SLC2A14: variants seen among roughly 807,000 people sequenced by gnomAD.
The protein encoded by SLC2A14 is solute carrier family 2, facilitated glucose transporter member 14.
A neutral mutation model predicts 43.0 loss-of-function variants in SLC2A14; 13 were observed. The ratio of observed to expected loss-of-function variants is 0.30; its 90% CI spans 0.20 to 0.48. The LOEUF is 0.48. SLC2A14 is among the 20% of genes least tolerant of loss of function. The pLI is 0.99. For synonymous variants in SLC2A14, 190 were observed against 233.8 expected, an observed-to-expected ratio of 0.81 and a Z score of 1.71; for missense variants, 428 against 620.4, an observed-to-expected ratio of 0.69 and a Z score of 3.29.
At chr12:7,878,976 C>CAAAAAAAAAAAAAAAAAAAAAA (rs58838986) in intron 1 of SLC2A14, among the ~76,000 whole-genome samples, 1 of 69,322 alleles carries the variant, frequency 1.4e-5, no homozygotes. Context: ...GAGTCCGTCT[C>CAAAAAAAAAAAAAAAAAAAAAA]AAAAAAAAAA....
chr12:7,884,681 C>T (rs1215691189), intron 1 of SLC2A14, among the ~76,000 whole-genome samples: 1 of 152,154 alleles, frequency 6.6e-6, no homozygotes, highest in Non-Finnish European at 1.5e-5. Context: ...CCCACATGTT[C>T]TTCCTCCTTC....
At chr12:7,873,160 C>A, upstream of SLC2A14, 9 of 985,706 alleles carry the variant, frequency 9.1e-6, no homozygotes, top group Non-Finnish European at 1.1e-5. Flanking sequence ...TGCGACCGGG[C>A]GGGGGAACTC....
intron 7 of SLC2A14, among the ~76,000 whole-genome samples, chr12:7,826,270 T>C (rs1017489732): frequency 6.6e-6 from 1 of 151,504 alleles, no homozygotes; most frequent in Non-Finnish European, 1.5e-5. Context: ...TGCCCAGGCT[T>C]GACTCCTTGG....
intron 2 of SLC2A14, among the ~76,000 whole-genome samples, chr12:7,837,107 C>T (rs1865523878): frequency 6.7e-6 from 1 of 150,262 alleles, no homozygotes; most frequent in Non-Finnish European, 1.5e-5. Flanking sequence ...GCAGAGGTTA[C>T]AGTGAGCCAA....
At chr12:7,821,138 C>T (rs1052555277) in intron 8 of SLC2A14, 83 bp downstream of exon 8, 17 of 1,026,336 alleles carry the variant, frequency 1.7e-5, no homozygotes, top group African/African-American at 4.8e-5. Context: ...AACTAAATAA[C>T]GGTGGAGCCA....
At chr12:7,842,951 C>A (rs181661770) in intron 2 of SLC2A14, among the ~76,000 whole-genome samples, 2,792 of 152,202 alleles carry the variant, frequency 0.018, 37 homozygotes, top group Middle Eastern at 0.034. Context: ...TGGTCTCGAA[C>A]TCCCGACCTC....
chr12:7,863,098 T>C (rs1944681515), intron 2 of SLC2A14, among the ~76,000 whole-genome samples: 1 of 152,136 alleles, frequency 6.6e-6, no homozygotes, highest in Admixed American at 6.6e-5. Context: ...CTGCTCACTT[T>C]TTATGTCCAC....
upstream of SLC2A14, among the ~76,000 whole-genome samples, chr12:7,874,566 G>A (rs1056264580): frequency 6.6e-6 from 1 of 151,224 alleles, no homozygotes; most frequent in African/African-American, 2.4e-5. Context: ...CAGCTACTCC[G>A]GAGACTGAGG....
At chr12:7,887,257 GTT>G (rs1945702900) in intron 1 of SLC2A14, among the ~76,000 whole-genome samples, 1 of 151,744 alleles carries the variant, frequency 6.6e-6, no homozygotes, top group Non-Finnish European at 1.5e-5. Context: ...TAGAAGAGTA[GTT>G]CTTAAACAAT....
At chr12:7,879,511 A>T (rs1371864298) in intron 1 of SLC2A14, among the ~76,000 whole-genome samples, 1 of 151,800 alleles carries the variant, frequency 6.6e-6, no homozygotes, top group East Asian at 1.9e-4. Context: ...GGGAAACTAC[A>T]TCTCTACTAA....
At chr12:7,824,534 G>A (rs1002967477) in intron 7 of SLC2A14, among the ~76,000 whole-genome samples, 2 of 151,594 alleles carry the variant, frequency 1.3e-5, no homozygotes, top group Non-Finnish European at 2.9e-5. Context: ...AGGAGTTCGA[G>A]ACCAGCCTGA....
At chr12:7,842,828 A>G (rs941509092) in intron 2 of SLC2A14, among the ~76,000 whole-genome samples, 2 of 150,848 alleles carry the variant, frequency 1.3e-5, no homozygotes, top group Non-Finnish European at 2.9e-5. Context: ...TCCCGCGTTC[A>G]AGTGATTCTC....
In SLC2A14 at chr12:7,883,525, C is replaced by T. The variant is rs1291304690; in HGVS notation, c.132+7471G>A. Among the ~76,000 whole-genome samples the T allele has an allele frequency of 3.3e-5, 5 of 150,894 alleles. No homozygotes were observed. In the East Asian group the frequency reaches 7.9e-4, roughly 24 times the overall value. On this transcript the variant is annotated intron_variant, in intron 1 of 9. Transcript: ENST00000539924. ...TCATGATCCGCCTGCCTCGGCCTCC[C>T]AAAGTGCTGAGATTACAGGCATGAG...
chr12:7,874,776 T>TAC (rs1338015645), upstream of SLC2A14, among the ~76,000 whole-genome samples: 7 of 47,148 alleles, frequency 1.5e-4, no homozygotes, highest in South Asian at 1.2e-3. Context: ...TATAAACATA[T>TAC]ATAAATATAT....
At chr12:7,842,155 T>C (rs1053675945) in intron 2 of SLC2A14, among the ~76,000 whole-genome samples, 5 of 152,322 alleles carry the variant, frequency 3.3e-5, no homozygotes, top group Admixed American at 6.5e-5. Flanking sequence ...TGTAGCCTTT[T>C]CAGATTGGCT....
At chr12:7,882,050 CA>C (rs1565589404) in intron 1 of SLC2A14, among the ~76,000 whole-genome samples, 1 of 151,966 alleles carries the variant, frequency 6.6e-6, no homozygotes, top group African/African-American at 2.4e-5. Flanking sequence ...CTGCCCGGGC[CA>C]GCAGTGGTAA....
intron 2 of SLC2A14, among the ~76,000 whole-genome samples, chr12:7,867,303 AAAAAAAC>A (rs1191414474): frequency 5.8e-5 from 8 of 137,228 alleles, no homozygotes; most frequent in African/African-American, 1.9e-4. Context: ...AAAAAAAACA[AAAAAAAC>A]ATTCGTGATT....
intron 6 of SLC2A14, among the ~76,000 whole-genome samples, chr12:7,828,364 CA>C (rs34164271): frequency 0.62 from 87,638 of 141,900 alleles, 27,281 homozygotes; most frequent in African/African-American, 0.73. Flanking sequence ...GACTCTGTCT[CA>C]AAAAAAAAAA....
intron 2 of SLC2A14, among the ~76,000 whole-genome samples, chr12:7,869,522 G>C (rs1380692626): frequency 6.6e-6 from 1 of 152,068 alleles, no homozygotes; most frequent in Non-Finnish European, 1.5e-5. Flanking sequence ...CGCGTATATA[G>C]CCATGGTTCT....
Sources: gnomAD v4.1 joint callset for allele counts (sites outside exome capture counted in the v4.1 genomes callset) on GRCh38, gnomAD v4.1.1 for gene constraint, MANE v1.5 for transcripts, NCBI Gene and HGNC (gene_info 2026-07-23, HGNC 2026-07-21) for gene names.